The following EEPD1 variants were observed in gnomAD, a reference collection of about 807,000 sequenced individuals.
EEPD1 encodes endonuclease/exonuclease/phosphatase family domain-containing protein 1.
A neutral mutation model predicts 46.3 loss-of-function variants in EEPD1; 17 were observed. The observed-to-expected ratio is 0.37, with a 90% CI of 0.25 to 0.55. The LOEUF (loss-of-function observed/expected upper bound fraction) is 0.55. EEPD1 is among the 20% of genes least tolerant of loss of function. The pLI is 0.83. For synonymous variants in EEPD1, 313 were observed against 315.6 expected (o/e 0.99, Z 0.09); for missense variants, 673 against 745.6 (o/e 0.90, Z 1.13).
Position 36,297,206 on chromosome 7 carries a change from G to A in EEPD1, c.1510+19G>A. ...TTCACAGGTGAGGCAGAACTCACTT[G>A]TCCTTTCTCCTGTTCAGGAATGGAG... On this transcript the variant is annotated intron_variant, in intron 7 of 7. Coordinates refer to ENST00000242108, the MANE Select transcript of EEPD1 (RefSeq NM_030636.3). 1.2e-6 allele frequency: 2 copies of A among 1,612,510 alleles called. No homozygotes were observed. The highest frequency in any genetic ancestry group is 1.7e-6 in the Non-Finnish European group (2 of 1,179,086).
chr7:36,169,746 A>C (rs966416079), intron 2 of EEPD1, among the ~76,000 whole-genome samples: 4 of 152,202 alleles, frequency 2.6e-5, no homozygotes, highest in Admixed American at 2.6e-4. Context: ...CAAACCCCGC[A>C]TCTGGGAAGG....
At chr7:36,233,252 C>T (rs1786369746) in intron 2 of EEPD1, among the ~76,000 whole-genome samples, 2 of 152,214 alleles carry the variant, frequency 1.3e-5, no homozygotes, top group South Asian at 4.1e-4. Flanking sequence ...CTTGACCTGC[C>T]ACCAGGCATA....
At chr7:36,196,244 A>G (rs1156759496) in intron 2 of EEPD1, among the ~76,000 whole-genome samples, 1 of 152,198 alleles carries the variant, frequency 6.6e-6, no homozygotes, top group Non-Finnish European at 1.5e-5. Flanking sequence ...GGCCTAGAGC[A>G]TTACTGTACA....
chr7:36,154,838 C>G lies in EEPD1; in HGVS notation c.514C>G (p.Arg172Gly), dbSNP rs779252652. ...VDFRREHGPF[R>G]SVEDLVRMDG... ...CTTCCGCCGTGAGCATGGGCCCTTTCGCAGCGTTGAGGACCTAGTGAGGAT... is the reference window on the plus strand; with the variant it reads ...CTTCCGCCGTGAGCATGGGCCCTTTGGCAGCGTTGAGGACCTAGTGAGGAT... Residue 172 changes from arginine to glycine, a missense_variant, in exon 2 of 8, where the codon CGC becomes GGC. Coordinates refer to ENST00000242108, the MANE Select transcript of EEPD1 (RefSeq NM_030636.3). This position sits in a 1 kb window ranked among gnomAD's most constrained non-coding sequence, Gnocchi z 4.2. 4 of 1,614,218 alleles carry G rather than the reference C, an allele frequency of 2.5e-6. No individual in the cohort carries two copies. The South Asian group carries it at 4.4e-5, about 18-fold the overall frequency.
chr7:36,263,257 A>T (rs1303033368), intron 3 of EEPD1, among the ~76,000 whole-genome samples: 1 of 152,192 alleles, frequency 6.6e-6, no homozygotes, highest in African/African-American at 2.4e-5. Context: ...GCCTGAGCCC[A>T]GAAGGTTGAG....
At chr7:36,173,489 C>A (rs1785126217) in intron 2 of EEPD1, among the ~76,000 whole-genome samples, 2 of 151,198 alleles carry the variant, frequency 1.3e-5, no homozygotes, top group Non-Finnish European at 2.9e-5. Context: ...CAGAGTGAGA[C>A]TCCGTCTTAA....
chr7:36,265,696 T>C (rs747575841), intron 3 of EEPD1, among the ~76,000 whole-genome samples: 15 of 152,196 alleles, frequency 9.9e-5, no homozygotes, highest in Non-Finnish European at 2.1e-4. Flanking sequence ...TCAGTTTTCT[T>C]GTTGGGTGGT....
At chr7:36,209,585 G>C (rs561252448) in intron 2 of EEPD1, among the ~76,000 whole-genome samples, 14 of 152,276 alleles carry the variant, frequency 9.2e-5, no homozygotes, top group African/African-American at 3.4e-4. Flanking sequence ...GGTTTTAATG[G>C]GAGGCTATTA....
intron 3 of EEPD1, among the ~76,000 whole-genome samples, chr7:36,239,482 G>C (rs1786517016): frequency 6.6e-6 from 1 of 152,072 alleles, no homozygotes; most frequent in South Asian, 2.1e-4. Context: ...AAGTAGAGGA[G>C]TGATGATTTG....
chr7:36,168,044 G>C (rs1168725721), intron 2 of EEPD1, among the ~76,000 whole-genome samples: 1 of 152,120 alleles, frequency 6.6e-6, no homozygotes, highest in African/African-American at 2.4e-5. Flanking sequence ...CCAGCTACGG[G>C]CTCCCCTATC....
intron 4 of EEPD1, among the ~76,000 whole-genome samples, chr7:36,283,030 C>CATCT (rs1373443488): frequency 2.0e-5 from 3 of 152,246 alleles, no homozygotes; most frequent in African/African-American, 7.2e-5. Context: ...CTGCCCCAGG[C>CATCT]ATCTTCTCCC....
intron 2 of EEPD1, among the ~76,000 whole-genome samples, chr7:36,172,611 T>C (rs997024227): frequency 2.1e-5 from 3 of 140,242 alleles, no homozygotes; most frequent in African/African-American, 7.9e-5. Context: ...TCTTAAAATA[T>C]TATGAGTTTT....
At chr7:36,261,952 G>C (rs1786931834) in intron 3 of EEPD1, among the ~76,000 whole-genome samples, 1 of 152,182 alleles carries the variant, frequency 6.6e-6, no homozygotes, top group Non-Finnish European at 1.5e-5. Flanking sequence ...GCCTGAACAA[G>C]ATTTCAAATT....
chr7:36,270,256 T>C (rs1244954672), intron 3 of EEPD1, among the ~76,000 whole-genome samples: 3 of 152,182 alleles, frequency 2.0e-5, no homozygotes, highest in African/African-American at 7.2e-5. Flanking sequence ...GACTCTCTAT[T>C]TTATAAATTA....
At chr7:36,277,532 G>A (rs771172748) in intron 3 of EEPD1, among the ~76,000 whole-genome samples, 1 of 152,172 alleles carries the variant, frequency 6.6e-6, no homozygotes, top group Non-Finnish European at 1.5e-5. Flanking sequence ...TGCATTTCTG[G>A]CAGGCTCCCA....
intron 2 of EEPD1, among the ~76,000 whole-genome samples, chr7:36,178,742 C>T (rs1000222926): frequency 2.6e-5 from 4 of 152,210 alleles, no homozygotes; most frequent in Non-Finnish European, 5.9e-5. Flanking sequence ...GCTCTCCTGC[C>T]CTGCACTGGT....
intron 2 of EEPD1, among the ~76,000 whole-genome samples, chr7:36,181,559 G>C (rs1760870132): frequency 6.6e-6 from 1 of 152,188 alleles, no homozygotes; most frequent in South Asian, 2.1e-4. Flanking sequence ...CCTGGAGTTG[G>C]CCTGTATTCT....
chr7:36,168,281 A>T (rs1785019492), intron 2 of EEPD1, among the ~76,000 whole-genome samples: 1 of 152,234 alleles, frequency 6.6e-6, no homozygotes, highest in Non-Finnish European at 1.5e-5. Flanking sequence ...GTGAATGCTC[A>T]CACTACTTCA....
Position 36,260,168 on chromosome 7 carries a change from T to C in EEPD1, c.931-20947T>C, listed in dbSNP as rs181778431. 2.6e-5 allele frequency among the ~76,000 whole-genome samples: 4 copies of C among 152,374 alleles called. No homozygotes were observed. The East Asian group carries it at 7.7e-4, about 29-fold the overall frequency. On this transcript the variant is annotated intron_variant, in intron 3 of 7. Transcript: ENST00000242108. ...ATTACTGATGCTGTTCATTTTGTCA[T>C]AGGGATTCCACTTGGTCTGGGGTCA...
Sources: gnomAD v4.1 joint callset for allele counts (sites outside exome capture counted in the v4.1 genomes callset) on GRCh38, gnomAD v4.1.1 for gene constraint, Gnocchi (gnomAD v3.1) non-coding constraint, MANE v1.5 for transcripts, NCBI Gene and HGNC (gene_info 2026-07-23, HGNC 2026-07-21) for gene names.